NXN: variants seen among roughly 807,000 people sequenced by gnomAD.
The protein encoded by NXN is nucleoredoxin.
In NXN, 16 loss-of-function variants were observed where a neutral mutation model predicts 48.6. The ratio of observed to expected loss-of-function variants is 0.33; its 90% confidence interval spans 0.22 to 0.50. The LOEUF (loss-of-function observed/expected upper bound fraction) is 0.50, where lower values mean the gene tolerates loss of function less well. Among genes scored for constraint, NXN ranks in the 20% least tolerant of loss-of-function variants. The pLI, the probability that NXN is intolerant of heterozygous loss-of-function variation, is 0.98. For synonymous variants in NXN, 281 were observed against 269.6 expected (o/e 1.04, Z -0.41); for missense variants, 492 against 605.5 (o/e 0.81, Z 1.97).
At chr17:951,793 C>T (rs996055222) in intron 1 of NXN, among the ~76,000 whole-genome samples, 5 of 152,140 alleles carry the variant, frequency 3.3e-5, no homozygotes, top group Non-Finnish European at 7.4e-5. Flanking sequence ...CCTGGGGTCC[C>T]GTGGGTATTT....
intron 1 of NXN, among the ~76,000 whole-genome samples, chr17:970,248 T>G (rs1406929693): frequency 6.6e-6 from 1 of 152,104 alleles, no homozygotes; most frequent in East Asian, 1.9e-4. Flanking sequence ...GAGATTTCAC[T>G]GGAAGTTGGA....
At chr17:872,495 G>T (rs2068167153) in intron 1 of NXN, among the ~76,000 whole-genome samples, 1 of 142,010 alleles carries the variant, frequency 7.0e-6, no homozygotes, top group African/African-American at 2.6e-5. Flanking sequence ...GTGTGTTTGA[G>T]GAAACACCAG....
In NXN at chr17:872,809, CG is replaced by C. The variant is rs574739814; in HGVS notation, c.361-46732del. Among the ~76,000 whole-genome samples the C allele has an allele frequency of 4.1e-3, 621 of 151,992 alleles. 3 individuals carry two copies. The highest frequency in any genetic ancestry group is 0.012 in the African/African-American group (516 of 41,488). On this transcript the variant is annotated intron_variant, in intron 1 of 7. Transcript: ENST00000336868. ...CTAATTTTTGTATTTTTAGTAGAGA[CG>C]GGTTTTTGCCATGTTGGCCAGGCTG...
rs574964844 is a variant in NXN at position 892,562 on chromosome 17, C to G, written c.361-66484G>C. On this transcript the variant is annotated intron_variant, in intron 1 of 7. Coordinates refer to ENST00000336868, the MANE Select transcript of NXN (RefSeq NM_022463.5). ...CACCCACAAAACACTCACAAACGCACCTGGCAAGTCAGTGTCTGCATAGCA... is the reference window on the plus strand; with the variant it reads ...CACCCACAAAACACTCACAAACGCAGCTGGCAAGTCAGTGTCTGCATAGCA... Among the ~76,000 whole-genome samples, 13 of 151,626 alleles carry G rather than the reference C, an allele frequency of 8.6e-5. No homozygotes were observed. The South Asian group carries it at 2.3e-3, about 27-fold the overall frequency.
At chr17:889,692 A>G (rs1303826739) in intron 1 of NXN, among the ~76,000 whole-genome samples, 3 of 138,478 alleles carry the variant, frequency 2.2e-5, no homozygotes, top group Non-Finnish European at 4.6e-5. Flanking sequence ...AAAAGAAGAA[A>G]GAAAGAAAAA....
At chr17:863,916 T>A in intron 1 of NXN, 1 of 1,469,726 alleles carries the variant, frequency 6.8e-7, no homozygotes, top group Non-Finnish European at 9.2e-7. Context: ...TATGTCAGGC[T>A]CATACAGTGT....
chr17:953,156 G>A (rs910492441), intron 1 of NXN, among the ~76,000 whole-genome samples: 6 of 150,862 alleles, frequency 4.0e-5, no homozygotes, highest in African/African-American at 1.2e-4. Flanking sequence ...AAGTCCAAAC[G>A]GAAGACTATG....
Position 800,918 on chromosome 17 carries a change from T to C in NXN, c.*31A>G. 1 of 1,387,546 alleles carries C rather than the reference T, an allele frequency of 7.2e-7. No individual in the cohort carries two copies. The highest frequency in any genetic ancestry group is 9.5e-7 in the Non-Finnish European group (1 of 1,057,648). 86.0% of individuals were successfully genotyped at this position (1,387,546 alleles called of 1,614,324 possible). On this transcript the variant is annotated 3_prime_UTR_variant, in exon 8 of 8. Coordinates refer to ENST00000336868, the MANE Select transcript of NXN (RefSeq NM_022463.5). ...AGGGGGAGGAGGAGAAGGCTGAGTT[T>C]TAAATAACGTCTCAGGAGGCCGGAG...
In NXN at chr17:849,511, C is replaced by T. The variant is rs184976736; in HGVS notation, c.361-23433G>A. On this transcript the variant is annotated intron_variant, in intron 1 of 7. Transcript: ENST00000336868. This position sits in a 1 kb window ranked among gnomAD's most constrained non-coding sequence, Gnocchi z 4.2. ...TCGCACCACTGCACTCCATCCTGGA[C>T]GACAGACAAAAAAAAAAGATGGGAG... Among the ~76,000 whole-genome samples the T allele has an allele frequency of 2.7e-4, 39 of 143,526 alleles. No individual in the cohort carries two copies. Among genetic ancestry groups the T allele is most frequent in the African/African-American group, 8.9e-4 (34 of 38,180 alleles). 94.2% of individuals were successfully genotyped at this position (143,526 alleles called of 152,430 possible).
In NXN at chr17:870,579, C is replaced by CA. The variant is rs543470066; in HGVS notation, c.361-44502dup. 6.6e-4 allele frequency among the ~76,000 whole-genome samples: 96 copies of CA among 146,012 alleles called. 1 individual carries two copies. The South Asian group carries it at 0.013, about 19-fold the overall frequency. ...ACAATATACTGACACCCTGTCTCTA[C>CA]AAAAAAAAAAGTAATAATACAAATA... is the stretch of plus-strand genomic sequence containing the variant. On this transcript the variant is annotated intron_variant, in intron 1 of 7. Transcript: ENST00000336868.
At chr17:896,857 A>AGGGGG in intron 1 of NXN, 31 of 577,892 alleles carry the variant, frequency 5.4e-5, no homozygotes, top group Non-Finnish European at 7.5e-5. Flanking sequence ...GGTCCTGACC[A>AGGGGG]CCCGCCCCCG....
At chr17:959,231 AC>A (rs1028216611) in intron 1 of NXN, 7 of 984,818 alleles carry the variant, frequency 7.1e-6, no homozygotes, top group African/African-American at 3.4e-5. Context: ...GCCTGCAGAT[AC>A]CCCAGCTCCC....
At chr17:844,252 G>A (rs143432794) in intron 1 of NXN, among the ~76,000 whole-genome samples, 7 of 142,268 alleles carry the variant, frequency 4.9e-5, no homozygotes, top group South Asian at 2.2e-4. Context: ...GCCATCCTAC[G>A]TCCCGTCCCA....
intron 1 of NXN, among the ~76,000 whole-genome samples, chr17:853,730 T>A (rs1461435659): frequency 1.4e-5 from 2 of 143,322 alleles, no homozygotes; most frequent in African/African-American, 5.3e-5. Context: ...TATATTTTTT[T>A]TTTTTTTTCC....
intron 2 of NXN, among the ~76,000 whole-genome samples, chr17:824,466 C>G (rs1442546469): frequency 6.6e-6 from 1 of 152,158 alleles, no homozygotes; most frequent in Non-Finnish European, 1.5e-5. Context: ...ACGAGGGACT[C>G]GGTTTGGGAA....
chr17:805,258 GA>G lies in NXN; in HGVS notation c.821-12del, dbSNP rs1282535763. The G allele has an allele frequency of 6.2e-7, 1 of 1,601,870 alleles. No homozygotes were observed. The highest frequency in any genetic ancestry group is 1.7e-5 in the Admixed American group (1 of 59,490). On this transcript the variant is annotated splice_polypyrimidine_tract_variant and intron_variant, in intron 5 of 7. Coordinates refer to ENST00000336868, the MANE Select transcript of NXN (RefSeq NM_022463.5). ...TGAGCGTGGGGATGCCTGCAGGGAA[GA>G]GGGGGTGCTTGGCCGCTGGCCCGGG...
chr17:819,414 C>T lies in NXN; in HGVS notation c.820+25G>A, dbSNP rs772581634. The T allele has an allele frequency of 3.0e-5, 47 of 1,585,088 alleles. No homozygotes were observed. The East Asian group carries it at 3.8e-4, about 13-fold the overall frequency. On this transcript the variant is annotated intron_variant, in intron 5 of 7. Coordinates refer to ENST00000336868, the MANE Select transcript of NXN (RefSeq NM_022463.5). ...GGTGAGCAGGTTTCCAGGAGCCACACGGAGCCGGGGCCTGGAGCGCCTACC... is the reference window on the plus strand; with the variant it reads ...GGTGAGCAGGTTTCCAGGAGCCACATGGAGCCGGGGCCTGGAGCGCCTACC...
chr17:818,024 C>T (rs572317330), intron 5 of NXN, among the ~76,000 whole-genome samples: 10 of 152,134 alleles, frequency 6.6e-5, no homozygotes, highest in East Asian at 5.8e-4. Context: ...TTTGGGAGGC[C>T]GAGGCGGGTG....
intron 1 of NXN, among the ~76,000 whole-genome samples, chr17:906,322 G>C (rs2068580715): frequency 6.7e-6 from 1 of 149,882 alleles, no homozygotes; most frequent in African/African-American, 2.4e-5. Context: ...TGAATGACTG[G>C]CCTGGAATTA....
Sources: allele counts gnomAD v4.1 joint callset (sites outside exome capture counted in the v4.1 genomes callset), GRCh38; gene constraint gnomAD v4.1.1; non-coding constraint Gnocchi (gnomAD v3.1); transcripts MANE v1.5; gene names NCBI Gene and HGNC (gene_info 2026-07-23, HGNC 2026-07-21).